CPEB3: variants seen among roughly 807,000 people sequenced by gnomAD.
CPEB3 encodes cytoplasmic polyadenylation element-binding protein 3.
Under a neutral mutation model 67.2 loss-of-function variants are expected in CPEB3, and 20 were observed. That is an observed-to-expected ratio of 0.30 (90% confidence interval 0.21 to 0.43). The LOEUF (loss-of-function observed/expected upper bound fraction) is 0.43, where lower values mean the gene tolerates loss of function less well. Ranked by LOEUF, CPEB3 falls within the 20% of genes least tolerant of loss-of-function variation. The pLI, the probability that CPEB3 is intolerant of heterozygous loss-of-function variation, is 1.00. For synonymous variants in CPEB3, 376 were observed against 393.1 expected (o/e 0.96, Z 0.51); for missense variants, 746 against 968.6 (o/e 0.77, Z 3.05).
At chr10:92,249,629 C>T (rs1394811281) in intron 1 of CPEB3, among the ~76,000 whole-genome samples, 1 of 150,486 alleles carries the variant, frequency 6.6e-6, no homozygotes, top group African/African-American at 2.5e-5. Context: ...GCCTGGGCAA[C>T]AGAGTGAGAC....
intron 8 of CPEB3, among the ~76,000 whole-genome samples, chr10:92,085,544 A>G (rs1037837662): frequency 1.3e-5 from 2 of 152,172 alleles, no homozygotes; most frequent in African/African-American, 4.8e-5. Flanking sequence ...TGATGACTAC[A>G]TCTCTGAATC....
intron 2 of CPEB3, among the ~76,000 whole-genome samples, chr10:92,202,653 A>G (rs1390208632): frequency 6.6e-6 from 1 of 151,912 alleles, no homozygotes; most frequent in Non-Finnish European, 1.5e-5. Flanking sequence ...TTTATATGTA[A>G]GGTCCAGAAC....
intron 3 of CPEB3, among the ~76,000 whole-genome samples, chr10:92,184,329 G>A (rs898818105): frequency 4.5e-4 from 68 of 152,318 alleles, no homozygotes; most frequent in African/African-American, 1.6e-3. Context: ...TCCAGGCTGG[G>A]CACCGTGGCT....
chr10:92,254,041 C>A (rs1362078163), intron 1 of CPEB3, among the ~76,000 whole-genome samples: 1 of 152,038 alleles, frequency 6.6e-6, no homozygotes, highest in Non-Finnish European at 1.5e-5. Context: ...CCACCTTAGG[C>A]AATATAGTGA....
Position 92,080,616 on chromosome 10 carries a change from C to T in CPEB3, c.1869+704G>A, listed in dbSNP as rs977116885. On this transcript the variant is annotated intron_variant, in intron 9 of 9. Transcript: ENST00000265997. Reference sequence around the variant, plus strand: ...GCAATTTTCTTTTTTTTTTTTTAGACGGAGCCTCGCTCTGTCGCCCAGGCT... The same window carrying T: ...GCAATTTTCTTTTTTTTTTTTTAGATGGAGCCTCGCTCTGTCGCCCAGGCT... Among the ~76,000 whole-genome samples the T allele has an allele frequency of 4.6e-5, 7 of 150,820 alleles. No homozygotes were observed. The South Asian group carries it at 6.3e-4, about 14-fold the overall frequency.
chr10:92,188,509 C>G (rs1221940012), intron 3 of CPEB3, among the ~76,000 whole-genome samples: 1 of 151,892 alleles, frequency 6.6e-6, no homozygotes, highest in Non-Finnish European at 1.5e-5. Flanking sequence ...ATGACAAGGT[C>G]AGGAGTTCGA....
At chr10:92,188,624 G>A (rs766523989) in intron 3 of CPEB3, among the ~76,000 whole-genome samples, 83 of 152,198 alleles carry the variant, frequency 5.5e-4, no homozygotes, top group Non-Finnish European at 1.1e-3. Context: ...GGAGGCTGAG[G>A]CAGGAGAATT....
chr10:92,253,200 G>A (rs1248358890), intron 1 of CPEB3, among the ~76,000 whole-genome samples: 2 of 151,930 alleles, frequency 1.3e-5, no homozygotes, highest in Admixed American at 6.6e-5. Context: ...GGTAGCTCAC[G>A]CCTGTAATCC....
intron 4 of CPEB3, among the ~76,000 whole-genome samples, chr10:92,158,593 T>C (rs887234234): frequency 1.3e-5 from 2 of 152,230 alleles, no homozygotes; most frequent in Non-Finnish European, 2.9e-5. Flanking sequence ...TAGCTGTTAC[T>C]TTACAGAATG....
At chr10:92,281,239 T>G (rs965724194) in intron 1 of CPEB3, among the ~76,000 whole-genome samples, 35 of 151,518 alleles carry the variant, frequency 2.3e-4, no homozygotes, top group South Asian at 6.3e-4. Flanking sequence ...GGGCTTTTTT[T>G]GGGTTTGGTT....
At chr10:92,273,593 T>C (rs1392343993) in intron 1 of CPEB3, among the ~76,000 whole-genome samples, 1 of 152,186 alleles carries the variant, frequency 6.6e-6, no homozygotes, top group Non-Finnish European at 1.5e-5. Context: ...CTTCTATCAA[T>C]TCATTCATCC....
intron 9 of CPEB3, among the ~76,000 whole-genome samples, chr10:92,056,339 T>C (rs896804063): frequency 6.6e-6 from 1 of 152,150 alleles, no homozygotes; most frequent in Non-Finnish European, 1.5e-5. Flanking sequence ...GATGGAAGAA[T>C]AGAAGTCTCC....
intron 9 of CPEB3, among the ~76,000 whole-genome samples, chr10:92,057,067 G>C (rs769205600): frequency 6.6e-6 from 1 of 152,220 alleles, no homozygotes; most frequent in African/African-American, 2.4e-5. Flanking sequence ...TGAATAGCCA[G>C]CAGTGACACC....
chr10:92,239,246 T>G lies in CPEB3; in HGVS notation c.1005+100A>C. On this transcript the variant is annotated intron_variant, in intron 2 of 9. Transcript: ENST00000265997. The surrounding 1 kb of genome is among the most constrained non-coding windows in gnomAD (Gnocchi z 6.0). ...AGGGGAAAGAGGAGCTGGACATTGC[T>G]GCCCTTTTTAAATATAAGCGGGTGG... 1.5e-6 allele frequency: 2 copies of G among 1,326,440 alleles called. No individual in the cohort carries two copies. Among genetic ancestry groups the G allele is most frequent in the Non-Finnish European group, 2.1e-6 (2 of 959,528 alleles). The allele number at this position is 1,326,440 out of a possible 1,614,324, so 82.2% of individuals were successfully genotyped here.
chr10:92,160,395 G>C (rs1590268340), intron 4 of CPEB3, among the ~76,000 whole-genome samples: 1 of 152,078 alleles, frequency 6.6e-6, no homozygotes, highest in Non-Finnish European at 1.5e-5. Context: ...ATAAATGGTA[G>C]GTAGCTTCCT....
At chr10:92,129,574 C>T (rs939480205) in intron 6 of CPEB3, among the ~76,000 whole-genome samples, 2 of 152,098 alleles carry the variant, frequency 1.3e-5, no homozygotes, top group African/African-American at 4.8e-5. Flanking sequence ...AACCAGATTG[C>T]TTTGTTCTGG....
chr10:92,234,425 T>A (rs1053335779), intron 2 of CPEB3, among the ~76,000 whole-genome samples: 5 of 152,218 alleles, frequency 3.3e-5, no homozygotes, highest in African/African-American at 1.2e-4. Flanking sequence ...CAAAATTTTT[T>A]AAAAACACAG....
intron 2 of CPEB3, among the ~76,000 whole-genome samples, chr10:92,232,032 T>C (rs1006463218): frequency 2.0e-5 from 3 of 150,598 alleles, no homozygotes; most frequent in Non-Finnish European, 2.9e-5. Flanking sequence ...AAACTTTTCA[T>C]ATTGCAGTAA....
chr10:92,084,269 A>G (rs971532554), intron 8 of CPEB3, among the ~76,000 whole-genome samples: 1 of 152,026 alleles, frequency 6.6e-6, no homozygotes, highest in African/African-American at 2.4e-5. Context: ...TGCACATTCC[A>G]AGGATTAGAT....
Sources: allele counts gnomAD v4.1 joint callset (sites outside exome capture counted in the v4.1 genomes callset), GRCh38; gene constraint gnomAD v4.1.1; non-coding constraint Gnocchi (gnomAD v3.1); transcripts MANE v1.5; gene names NCBI Gene and HGNC (gene_info 2026-07-23, HGNC 2026-07-21).